ELN: variants seen among roughly 807,000 people sequenced by gnomAD.
ELN encodes the protein elastin, also known as tropoelastin.
ELN carries 65 observed loss-of-function variants against 105.8 expected under a neutral mutation model. The ratio of observed to expected loss-of-function variants is 0.61; its 90% CI spans 0.50 to 0.75. ELN has a LOEUF of 0.75. Ranked by LOEUF, ELN falls within the 30% of genes least tolerant of loss-of-function variation. The probability of loss-of-function intolerance (pLI) is 0.00; values close to 1 mark genes in which losing one functional copy is unlikely to be tolerated. For missense variants in ELN, 882 were observed against 969.4 expected (o/e 0.91, Z 1.20); for synonymous variants, 368 against 389.2 (o/e 0.95, Z 0.64).
intron 32 of ELN, among the ~76,000 whole-genome samples, chr7:74,067,273 T>G (rs1475367754): frequency 1.9e-4 from 27 of 140,086 alleles, no homozygotes; most frequent in Non-Finnish European, 4.1e-4. Context: ...ACTATAGTCT[T>G]CTTTTTTTTT....
chr7:74,043,954 G>A (rs1554670473), intron 9 of ELN, 34 bp downstream of exon 9: 4 of 1,613,440 alleles, frequency 2.5e-6, no homozygotes, highest in East Asian at 4.5e-5. Context: ...GACTCTATAG[G>A]AAGAAAGCAG....
rs1225761542 is a variant in ELN, at chr7:74,053,384, T to G, written c.1096+75T>G. Reference sequence around the variant, plus strand: ...TATTAGAGAGAAATATTGAGACTATTGCCAAAATTTTTGCATTCTCCCTAA... The same window carrying G: ...TATTAGAGAGAAATATTGAGACTATGGCCAAAATTTTTGCATTCTCCCTAA... On this transcript the variant is annotated intron_variant, in intron 18 of 32. Coordinates refer to ENST00000252034, the MANE Select transcript of ELN (RefSeq NM_000501.4). 1.9e-6 allele frequency: 3 copies of G among 1,564,416 alleles called. No homozygotes were observed. In the Admixed American group the frequency reaches 5.7e-5, roughly 30 times the overall value.
chr7:74,061,039 G>T, intron 25 of ELN, 62 bp from the exon 26 acceptor site: 1 of 1,603,976 alleles, frequency 6.2e-7, no homozygotes, highest in Non-Finnish European at 8.5e-7. Context: ...TAGAGGAGGC[G>T]GCAGAACTCC....
chr7:74,033,721 G>T (rs564893035), intron 1 of ELN, among the ~76,000 whole-genome samples: 1 of 152,214 alleles, frequency 6.6e-6, no homozygotes, highest in Admixed American at 6.5e-5. Context: ...GTGCAGCGTC[G>T]CCAGGCCTCA....
chr7:74,037,892 C>T, intron 4 of ELN, 153 bp downstream of exon 4: 1 of 1,182,012 alleles, frequency 8.5e-7, no homozygotes, highest in Non-Finnish European at 1.2e-6. Flanking sequence ...GATTAGCCTC[C>T]CAAGGATGAG....
intron 22 of ELN, among the ~76,000 whole-genome samples, chr7:74,058,183 C>T (rs1795763021): frequency 6.7e-6 from 1 of 150,294 alleles, no homozygotes; most frequent in Non-Finnish European, 1.5e-5. Context: ...CCTCTTCCTC[C>T]TCCTCCTGCT....
chr7:74,066,984 T>C (rs1798099741), intron 32 of ELN, among the ~76,000 whole-genome samples: 2 of 152,170 alleles, frequency 1.3e-5, no homozygotes, highest in Non-Finnish European at 2.9e-5. Context: ...GAACATTTGC[T>C]TTTTAAAAAC....
At chr7:74,036,079 A>C (rs1186658636) in intron 2 of ELN, among the ~76,000 whole-genome samples, 1 of 152,068 alleles carries the variant, frequency 6.6e-6, no homozygotes, top group Non-Finnish European at 1.5e-5. Flanking sequence ...TCACAAGGTC[A>C]GGAGATCAAG....
At chr7:74,059,834 T>C (rs1554682726) in intron 22 of ELN, 52 bp from the exon 23 acceptor site, 2 of 891,692 alleles carry the variant, frequency 2.2e-6, no homozygotes, top group Admixed American at 3.4e-5. Flanking sequence ...CATAAGCTTC[T>C]GTCCTCTTTG....
intron 2 of ELN, among the ~76,000 whole-genome samples, chr7:74,036,272 C>T (rs894859611): frequency 6.6e-6 from 1 of 151,520 alleles, no homozygotes; most frequent in Non-Finnish European, 1.5e-5. Flanking sequence ...CCAGCCTGGG[C>T]GACAGAGGGA....
rs550388269 is a variant in ELN at position 74,065,636 on chromosome 7, A to G, written c.1994-58A>G. The G allele has an allele frequency of 2.1e-4, 322 of 1,547,864 alleles. 6 individuals carry two copies. In the South Asian group the frequency reaches 3.6e-3, roughly 18 times the overall value. Reference sequence around the variant, plus strand: ...CTCAAGAAAAAAAAAAAAAAAAAAGACAGGGCCTGACAGGTGGCATTGGCA... The same window carrying G: ...CTCAAGAAAAAAAAAAAAAAAAAAGGCAGGGCCTGACAGGTGGCATTGGCA... On this transcript the variant is annotated intron_variant, in intron 29 of 32. Coordinates refer to ENST00000252034, the MANE Select transcript of ELN (RefSeq NM_000501.4).
intron 32 of ELN, 27 bp from the exon 33 acceptor site, chr7:74,068,630 C>A (rs782047001): frequency 6.2e-7 from 1 of 1,613,952 alleles, no homozygotes; most frequent in Non-Finnish European, 8.5e-7. Flanking sequence ...GCCGGACTCA[C>A]AGTGATGTGC....
intron 5 of ELN, among the ~76,000 whole-genome samples, chr7:74,042,300 C>T (rs1163154321): frequency 6.6e-6 from 1 of 151,732 alleles, no homozygotes; most frequent in Non-Finnish European, 1.5e-5. Flanking sequence ...CAGTGGCATG[C>T]ACCTGTAGTT....
intron 8 of ELN, 111 bp from the exon 9 acceptor site, chr7:74,043,768 G>T: frequency 1.2e-5 from 17 of 1,406,658 alleles, no homozygotes; most frequent in Non-Finnish European, 1.6e-5. Context: ...CCCCTGTCGG[G>T]CACAGAGGCT....
chr7:74,051,708 G>A, intron 15 of ELN, 42 bp from the exon 16 acceptor site: 1 of 1,609,232 alleles, frequency 6.2e-7, no homozygotes, highest in Non-Finnish European at 8.5e-7. Context: ...GTCCTCAGGA[G>A]GGTCCTTGGG....
intron 2 of ELN, 75 bp downstream of exon 2, chr7:74,035,489 C>T: frequency 1.3e-6 from 2 of 1,564,890 alleles, no homozygotes; most frequent in Non-Finnish European, 1.8e-6. Context: ...CACATTTTGA[C>T]ACTACAGAAG....
chr7:74,041,295 C>A (rs879985013), intron 5 of ELN, 44 bp downstream of exon 5: 1 of 1,612,572 alleles, frequency 6.2e-7, no homozygotes, highest in South Asian at 1.1e-5. Flanking sequence ...TGGGGACCAG[C>A]CCCTGAGCTC....
At position 74,051,996 on chromosome 7, in the gene ELN, C is replaced by T. The variant is rs782456792; in HGVS notation, c.949+13C>T. On this transcript the variant is annotated intron_variant, in intron 17 of 32. Coordinates refer to ENST00000252034, the MANE Select transcript of ELN (RefSeq NM_000501.4). ...GCAGCCAAGTATGGTGAGTGCCTCC[C>T]GGGGTGGCAAGTCCACGGCTCGGGC... is the stretch of plus-strand genomic sequence containing the variant. 5.0e-6 allele frequency: 8 copies of T among 1,612,468 alleles called. No individual in the cohort carries two copies. Among genetic ancestry groups the T allele is most frequent in the Admixed American group, 3.3e-5 (2 of 60,008 alleles).
rs782489667 is a variant in ELN, at chr7:74,061,083, A to C, written c.1748-18A>C. The C allele has an allele frequency of 6.2e-7, 1 of 1,614,070 alleles. No individual in the cohort carries two copies. Among genetic ancestry groups the C allele is most frequent in the Non-Finnish European group, 8.5e-7 (1 of 1,180,008 alleles). ...GAGCTCGGCTCCTGACCACTCCCCA[A>C]CTTTTCTTTCTCCCCAGTACCTGGA... On this transcript the variant is annotated intron_variant, in intron 25 of 32. Coordinates refer to ENST00000252034, the MANE Select transcript of ELN (RefSeq NM_000501.4).
Sources: allele counts gnomAD v4.1 joint callset (sites outside exome capture counted in the v4.1 genomes callset), GRCh38; gene constraint gnomAD v4.1.1; transcripts MANE v1.5; gene names NCBI Gene and HGNC (gene_info 2026-07-23, HGNC 2026-07-21).